Variants in NEU3 observed in about 807,000 individuals in gnomAD.
The protein encoded by NEU3 is neuraminidase 3.
NEU3 carries 10 observed loss-of-function variants against 11.4 expected under a neutral mutation model. That is an observed-to-expected ratio of 0.88 (90% CI 0.54 to 1.49). The LOEUF is 1.49. Ranked by LOEUF, NEU3 falls within the 40% of genes most tolerant of loss-of-function variation. The probability of loss-of-function intolerance (pLI) is 0.00; values close to 1 mark genes in which losing one functional copy is unlikely to be tolerated. For missense variants in NEU3, 529 were observed against 581.8 expected, an observed-to-expected ratio of 0.91 and a Z score of 0.93; for synonymous variants, 212 against 228.2, an observed-to-expected ratio of 0.93 and a Z score of 0.64.
At chr11:74,990,231 G>C in intron 1 of NEU3, 1 of 495,068 alleles carries the variant, frequency 2.0e-6, no homozygotes, top group Non-Finnish European at 3.6e-6. Context: ...TACAAGCAAG[G>C]AATCCAAGAC....
chr11:74,997,290 G>A (rs78565909), intron 2 of NEU3, among the ~76,000 whole-genome samples: 1,935 of 152,242 alleles, frequency 0.013, 28 homozygotes, highest in African/African-American at 0.044. Flanking sequence ...TTTAAGTTAC[G>A]GAGACAGCTT....
In NEU3 at chr11:75,010,105, AGTCTGG is replaced by A. The variant is rs1355228225; in HGVS notation, c.*3615_*3620del. On this transcript the variant is annotated 3_prime_UTR_variant, in exon 3 of 3. Transcript: ENST00000294064. ...TTGTCTCTGCAGTGCCAGAATTCAC[AGTCTGG>A]GCCTCCCTTTGGTCCTTACCATAGG... The A allele has an allele frequency of 6.6e-6, 1 of 152,228 alleles. No individual in the cohort carries two copies. Among genetic ancestry groups the A allele is most frequent in the African/African-American group, 2.4e-5 (1 of 41,418 alleles). 9.4% of individuals were successfully genotyped at this position (152,228 alleles called of 1,614,324 possible). A position where few individuals can be genotyped will look rare whatever the true frequency, so the allele number is the denominator to read the frequency against.
chr11:74,991,793 G>A (rs1342820874), intron 1 of NEU3, among the ~76,000 whole-genome samples: 1 of 152,126 alleles, frequency 6.6e-6, no homozygotes, highest in Non-Finnish European at 1.5e-5. Context: ...CCCTCAGTTG[G>A]CTAATCCACT....
At chr11:74,982,120 A>C in the NEU3 span, among the ~76,000 whole-genome samples, 1 of 152,336 alleles carries the variant, frequency 6.6e-6, no homozygotes, top group Non-Finnish European at 1.5e-5. Flanking sequence ...AGTGATAAGG[A>C]TATAGAACTT....
intron 1 of NEU3, among the ~76,000 whole-genome samples, chr11:74,993,785 T>A (rs938729160): frequency 2.0e-5 from 3 of 152,080 alleles, no homozygotes; most frequent in African/African-American, 7.2e-5. Flanking sequence ...GGAGGTGGCA[T>A]AGGGCATCAC....
intron 2 of NEU3, among the ~76,000 whole-genome samples, chr11:74,999,774 T>G (rs919499132): frequency 2.0e-5 from 3 of 152,214 alleles, no homozygotes; most frequent in African/African-American, 7.2e-5. Context: ...TACCCATTGG[T>G]TTGTTCTGCC....
intron 1 of NEU3, among the ~76,000 whole-genome samples, chr11:74,993,027 A>T (rs992124764): frequency 6.6e-6 from 1 of 152,154 alleles, no homozygotes; most frequent in African/African-American, 2.4e-5. Flanking sequence ...ATCTCCAGGG[A>T]CCTAGAAACC....
upstream of NEU3, among the ~76,000 whole-genome samples, chr11:74,986,366 A>C (rs1948665386): frequency 1.3e-5 from 2 of 152,176 alleles, no homozygotes; most frequent in Non-Finnish European, 2.9e-5. Flanking sequence ...GTATTGCTAA[A>C]TTTTCCTCTA....
downstream of NEU3, among the ~76,000 whole-genome samples, chr11:75,014,820 T>C (rs566480): frequency 0.76 from 116,274 of 152,004 alleles, 44,852 homozygotes; most frequent in Non-Finnish European, 0.82. Flanking sequence ...GAGCTGTGAT[T>C]GCGCCATTGC....
chr11:75,020,372 G>C (rs186528825), downstream of NEU3, among the ~76,000 whole-genome samples: 8 of 152,282 alleles, frequency 5.3e-5, no homozygotes, highest in African/African-American at 1.9e-4. Flanking sequence ...GCCAGGAGCA[G>C]AATGATATGA....
At chr11:75,004,051 C>T (rs1948873200) in intron 2 of NEU3, among the ~76,000 whole-genome samples, 1 of 152,146 alleles carries the variant, frequency 6.6e-6, no homozygotes, top group Non-Finnish European at 1.5e-5. Context: ...TAATCTTATA[C>T]ATACTTAATT....
rs969829647 is a variant in NEU3, at chr11:75,010,552, A to G, written c.*4060A>G. 6.6e-6 allele frequency: 1 copy of G among 152,206 alleles called. No homozygotes were observed. Among genetic ancestry groups the G allele is most frequent in the Non-Finnish European group, 1.5e-5 (1 of 68,048 alleles). The allele number at this position is 152,206 out of a possible 1,614,324, so 9.4% of individuals were successfully genotyped here. ...TCTGGCCTGCTTCAAGGTCAGTTAC[A>G]CTACTTCCTGGGATGGGCCTTTCTC... On this transcript the variant is annotated 3_prime_UTR_variant, in exon 3 of 3. Transcript: ENST00000294064.
chr11:75,002,309 A>C (rs140537310), intron 2 of NEU3, among the ~76,000 whole-genome samples: 1 of 152,262 alleles, frequency 6.6e-6, no homozygotes, highest in Admixed American at 6.5e-5. Context: ...CTGAGAGTCT[A>C]TGATCTGCGC....
chr11:75,015,288 G>A (rs1411184907), downstream of NEU3, among the ~76,000 whole-genome samples: 2 of 152,142 alleles, frequency 1.3e-5, no homozygotes, highest in East Asian at 1.9e-4. Flanking sequence ...AAAGCAAACC[G>A]TCACCAGACA....
In NEU3 at chr11:74,994,622, A is replaced by G. The variant is rs1466032874; in HGVS notation, c.208A>G (p.Thr70Ala). 6.2e-7 allele frequency: 1 copy of G among 1,613,700 alleles called. No homozygotes were observed. Among genetic ancestry groups the G allele is most frequent in the Admixed American group, 1.7e-5 (1 of 59,992 alleles). The change falls in exon 2 of 3, where the codon ACC becomes GCC. Residue 70 changes from threonine (T) to alanine (A), a missense_variant. Coordinates refer to ENST00000294064, the MANE Select transcript of NEU3 (RefSeq NM_006656.6). ...CCTGCTCTACATACCCCCCACCCAC[A>G]CCTTCCTGGCCTTTGCAGAGAAGCG... Reference protein sequence around the residue: ...PALLYIPPTHTFLAFAEKRST... With the variant: ...PALLYIPPTHAFLAFAEKRST...
At chr11:75,020,247 A>G (rs756481966), downstream of NEU3, among the ~76,000 whole-genome samples, 8 of 152,118 alleles carry the variant, frequency 5.3e-5, no homozygotes, top group Non-Finnish European at 1.2e-4. Flanking sequence ...CCTTGTCTTG[A>G]ATGAGACTTT....
At chr11:74,991,597 C>A (rs1165995141) in intron 1 of NEU3, among the ~76,000 whole-genome samples, 1 of 152,156 alleles carries the variant, frequency 6.6e-6, no homozygotes, top group Non-Finnish European at 1.5e-5. Flanking sequence ...GGAATAAACA[C>A]CTTAATAAGT....
intron 2 of NEU3, among the ~76,000 whole-genome samples, chr11:74,998,784 C>T (rs1948816601): frequency 6.6e-6 from 1 of 152,168 alleles, no homozygotes; most frequent in Admixed American, 6.5e-5. Context: ...TGCTCTTTCA[C>T]CTTATCTTCT....
intron 2 of NEU3, 42 bp downstream of exon 2, chr11:74,994,762 C>G (rs1188697229): frequency 3.2e-6 from 5 of 1,541,234 alleles, no homozygotes; most frequent in Non-Finnish European, 3.6e-6. Context: ...CTCAGTTTCT[C>G]TTCACAAAGC....
Sources: allele counts gnomAD v4.1 joint callset (sites outside exome capture counted in the v4.1 genomes callset), GRCh38; gene constraint gnomAD v4.1.1; transcripts MANE v1.5; gene names NCBI Gene and HGNC (gene_info 2026-07-23, HGNC 2026-07-21).